The following NEDD4 variants were observed in gnomAD, a reference collection of about 807,000 sequenced individuals.
The protein encoded by NEDD4 is NEDD4 E3 ubiquitin protein ligase, also known as E3 ubiquitin-protein ligase NEDD4.
In NEDD4, 99 loss-of-function variants were observed where a neutral mutation model predicts 144.9. That is an observed-to-expected ratio of 0.68 (90% confidence interval 0.58 to 0.81). NEDD4 has a LOEUF of 0.81. Among genes scored for constraint, NEDD4 ranks in the 30% least tolerant of loss-of-function variants. The probability of loss-of-function intolerance (pLI) is 0.00; values close to 1 mark genes in which losing one functional copy is unlikely to be tolerated. For missense variants in NEDD4, 985 were observed against 1,065.9 expected (o/e 0.92, Z 1.06); for synonymous variants, 318 against 350.6 (o/e 0.91, Z 1.04).
intron 4 of NEDD4, among the ~76,000 whole-genome samples, chr15:55,927,035 C>T (rs1371357995): frequency 4.1e-5 from 6 of 147,340 alleles, no homozygotes; most frequent in Admixed American, 2.1e-4. Flanking sequence ...AAGATCGTGC[C>T]GCCGCACTGT....
intron 12 of NEDD4, among the ~76,000 whole-genome samples, chr15:55,855,654 G>A (rs2438128): frequency 0.72 from 109,201 of 152,084 alleles, 39,726 homozygotes; most frequent in Non-Finnish European, 0.79. Flanking sequence ...TAGTAGACTG[G>A]TGGATGTGAT....
intron 19 of NEDD4, among the ~76,000 whole-genome samples, chr15:55,841,068 G>C (rs1285980844): frequency 1.3e-5 from 2 of 152,138 alleles, no homozygotes; most frequent in African/African-American, 4.8e-5. Context: ...CAAGTAGCTG[G>C]AATTACAGGC....
In NEDD4 at chr15:55,834,131, T is replaced by G; in HGVS notation, c.2337A>C (p.Gly779=). Reference sequence around the variant, plus strand: ...AGTCATTCACATCAACATCTCCCAGTCCACACATAAGAAGCTACATAAGAA... The same window carrying G: ...AGTCATTCACATCAACATCTCCCAGGCCACACATAAGAAGCTACATAAGAA... ...DENELELLMC[G]LGDVDVNDWR... is the part of the protein sequence containing the mutation. Residue 779 remains glycine (G), a synonymous_variant, in exon 26 of 29, where the codon GGA becomes GGC. Transcript: ENST00000435532. 1 of 1,613,482 alleles carries G rather than the reference T, an allele frequency of 6.2e-7. No individual in the cohort carries two copies. Among genetic ancestry groups the G allele is most frequent in the Non-Finnish European group, 8.5e-7 (1 of 1,179,842 alleles).
chr15:55,931,123 A>T (rs2036773173), intron 4 of NEDD4, among the ~76,000 whole-genome samples: 1 of 152,234 alleles, frequency 6.6e-6, no homozygotes, highest in African/African-American at 2.4e-5. Context: ...CAACAGGAAT[A>T]CAAAATACAA....
intron 5 of NEDD4, among the ~76,000 whole-genome samples, chr15:55,905,711 T>C (rs1289944493): frequency 6.6e-6 from 1 of 152,172 alleles, no homozygotes; most frequent in Non-Finnish European, 1.5e-5. Flanking sequence ...TTCGCCCACT[T>C]GTTGATGGGG....
chr15:55,944,370 G>A (rs1167737690), intron 4 of NEDD4, among the ~76,000 whole-genome samples: 1 of 152,182 alleles, frequency 6.6e-6, no homozygotes. Context: ...CATGCCCACA[G>A]AGCCTTGCTC....
chr15:55,929,529 C>T (rs2142246369), intron 4 of NEDD4, among the ~76,000 whole-genome samples: 1 of 152,178 alleles, frequency 6.6e-6, no homozygotes, highest in South Asian at 2.1e-4. Flanking sequence ...TTGTTCCTGT[C>T]TTTGTATCCA....
chr15:55,863,482 GATTA>G (rs1469208911), intron 8 of NEDD4, among the ~76,000 whole-genome samples: 8 of 152,162 alleles, frequency 5.3e-5, no homozygotes, highest in South Asian at 2.1e-4. Flanking sequence ...GATTTAATGA[GATTA>G]ATTAGCCTGA....
At chr15:55,834,009 A>C in intron 26 of NEDD4, 29 bp downstream of exon 26, 1 of 1,484,080 alleles carries the variant, frequency 6.7e-7, no homozygotes, top group Non-Finnish European at 9.4e-7. Flanking sequence ...ATCAAAAAGT[A>C]AGTTATGAAA....
chr15:55,829,334 TC>T lies in NEDD4; in HGVS notation c.*562del, dbSNP rs2032834514. On this transcript the variant is annotated 3_prime_UTR_variant, in exon 29 of 29. Transcript: ENST00000435532. ...AGGTAACACACTTTCCAAAGTTTTT[TC>T]CCAAAAATCTAGGCAGTAAGGTGCA... The T allele has an allele frequency of 6.6e-6, 1 of 152,376 alleles. No individual in the cohort carries two copies. Among genetic ancestry groups the T allele is most frequent in the South Asian group, 2.1e-4 (1 of 4,838 alleles). The allele number at this position is 152,376 out of a possible 1,614,324, so 9.4% of individuals were successfully genotyped here. A position where few individuals can be genotyped will look rare whatever the true frequency, so the allele number is the denominator to read the frequency against.
Position 55,860,410 on chromosome 15 carries a change from G to A in NEDD4, c.957C>T (p.Ser319=). 1 of 1,614,016 alleles carries A rather than the reference G, an allele frequency of 6.2e-7. No individual in the cohort carries two copies. Among genetic ancestry groups the A allele is most frequent in the Non-Finnish European group, 8.5e-7 (1 of 1,179,932 alleles). ...GNSAVSQPAS[S]SNHSSRRGSL... ...ACAAAATCTAAGAGCATCTTACTGA[G>A]CTCGATGCTGGCTGGCTCACGGCTG... Residue 319 remains serine, a synonymous_variant, in exon 11 of 29, where the codon AGC becomes AGT. Coordinates refer to ENST00000435532, the MANE Select transcript of NEDD4 (RefSeq NM_006154.4).
chr15:55,897,133 C>G (rs924077704), intron 5 of NEDD4, among the ~76,000 whole-genome samples: 19 of 152,208 alleles, frequency 1.2e-4, no homozygotes, highest in South Asian at 2.1e-4. Context: ...GCCACCATGC[C>G]TGGCTAATTT....
At chr15:55,931,447 T>C (rs1029316533) in intron 4 of NEDD4, among the ~76,000 whole-genome samples, 1 of 152,070 alleles carries the variant, frequency 6.6e-6, no homozygotes, top group East Asian at 1.9e-4. Flanking sequence ...TTATTGAAGA[T>C]AGAAGTAAAA....
chr15:55,927,077 CAAAAAAAAAAA>C (rs57940091), intron 4 of NEDD4, among the ~76,000 whole-genome samples: 16 of 70,656 alleles, frequency 2.3e-4, no homozygotes, highest in Middle Eastern at 9.6e-3. Context: ...GACTACGTCT[CAAAAAAAAAAA>C]AAAAAAAAAA....
At chr15:55,897,976 G>A (rs1286256891) in intron 5 of NEDD4, among the ~76,000 whole-genome samples, 3 of 152,102 alleles carry the variant, frequency 2.0e-5, no homozygotes, top group Admixed American at 6.6e-5. Flanking sequence ...AATATTTTAC[G>A]TGAATTTCTA....
chr15:55,846,867 T>G, intron 18 of NEDD4, 102 bp downstream of exon 18: 1 of 686,182 alleles, frequency 1.5e-6, no homozygotes, highest in Non-Finnish European at 2.3e-6. Flanking sequence ...TCACTCAAAG[T>G]TGTTACAAAT....
intron 5 of NEDD4, among the ~76,000 whole-genome samples, chr15:55,918,567 C>A (rs1438081544): frequency 7.0e-6 from 1 of 142,984 alleles, no homozygotes. Flanking sequence ...ATATGTAAAA[C>A]ATATACTCAT....
chr15:55,840,568 G>C, intron 20 of NEDD4, 38 bp downstream of exon 20: 1 of 1,613,338 alleles, frequency 6.2e-7, no homozygotes, highest in East Asian at 2.2e-5. Context: ...AAAGAAAACA[G>C]GTAATTATAT....
intron 4 of NEDD4, among the ~76,000 whole-genome samples, chr15:55,945,351 GA>G (rs2037090041): frequency 6.6e-6 from 1 of 152,112 alleles, no homozygotes; most frequent in Non-Finnish European, 1.5e-5. Context: ...CATGGCACAA[GA>G]ACTTTGTGAT....
Sources: gnomAD v4.1 joint callset for allele counts (sites outside exome capture counted in the v4.1 genomes callset) on GRCh38, gnomAD v4.1.1 for gene constraint, MANE v1.5 for transcripts, NCBI Gene and HGNC (gene_info 2026-07-23, HGNC 2026-07-21) for gene names.